The following PLAAT4 variants were observed in gnomAD, a reference collection of about 807,000 sequenced individuals.
PLAAT4 encodes the protein phospholipase A and acyltransferase 4, also known as HRAS-like suppressor 4.
A neutral mutation model predicts 14.1 loss-of-function variants in PLAAT4; 12 were observed. That is an observed-to-expected ratio of 0.85 (90% CI 0.54 to 1.37). PLAAT4 has a LOEUF of 1.37. Ranked by LOEUF, PLAAT4 falls within the 40% of genes most tolerant of loss-of-function variation. PLAAT4 has a pLI of 0.00. For synonymous variants in PLAAT4, 77 were observed against 79.8 expected (o/e 0.96, Z 0.19); for missense variants, 163 against 211.7 (o/e 0.77, Z 1.43).
At chr11:63,545,325 T>G (rs2017355659) in intron 3 of PLAAT4, 1 of 305,156 alleles carries the variant, frequency 3.3e-6, no homozygotes, top group Admixed American at 4.4e-5. Flanking sequence ...ACAGCCTCCA[T>G]CCCTTGCCCC....
At chr11:63,545,428 T>C (rs533118550) in intron 3 of PLAAT4, 8 of 181,472 alleles carry the variant, frequency 4.4e-5, no homozygotes, top group African/African-American at 1.9e-4. Flanking sequence ...CTAGAGTCTC[T>C]GCCTGTGATG....
chr11:63,541,953 G>A (rs977317993), intron 2 of PLAAT4, among the ~76,000 whole-genome samples: 5 of 152,020 alleles, frequency 3.3e-5, no homozygotes, highest in Non-Finnish European at 5.9e-5. Context: ...CAACTCATAC[G>A]ATCTAGGTGA....
Position 63,544,971 on chromosome 11 carries a change from T to A in PLAAT4, c.387+82T>A, listed in dbSNP as rs139273188. 194 of 1,588,432 alleles carry A rather than the reference T, an allele frequency of 1.2e-4. 2 individuals are homozygous for A. The East Asian group carries it at 3.8e-3, about 31-fold the overall frequency. On this transcript the variant is annotated intron_variant, in intron 3 of 3. Coordinates refer to ENST00000255688, the MANE Select transcript of PLAAT4 (RefSeq NM_004585.5). ...TGTGCAGCCAGGCGATCACTGTGAA[T>A]GATGCAAATGCAGCCTCTTAGAGAC... is the stretch of plus-strand genomic sequence containing the variant.
chr11:63,541,243 G>A (rs1455644363), intron 2 of PLAAT4, among the ~76,000 whole-genome samples: 1 of 150,834 alleles, frequency 6.6e-6, no homozygotes, highest in Non-Finnish European at 1.5e-5. Context: ...CCGGGATGGA[G>A]TACAGTGGTG....
intron 1 of PLAAT4, chr11:63,538,545 G>C: frequency 4.5e-6 from 1 of 224,452 alleles, no homozygotes. Flanking sequence ...TCTATGATGG[G>C]ACATCCTGGG....
chr11:63,545,474 T>C (rs2017357220), intron 3 of PLAAT4: 1 of 168,526 alleles, frequency 5.9e-6, no homozygotes, highest in Admixed American at 5.5e-5. Flanking sequence ...GACTGAATGG[T>C]TGGGGGCCCT....
At position 63,537,298 on chromosome 11, in the gene PLAAT4, G is replaced by A. The variant is rs1028698239; in HGVS notation, c.9+421G>A. Among the ~76,000 whole-genome samples, 10 of 152,144 alleles carry A rather than the reference G, an allele frequency of 6.6e-5. 1 individual carries two copies. Among genetic ancestry groups the A allele is most frequent in the Admixed American group, 6.5e-4 (10 of 15,276 alleles). The stretch of plus-strand genomic sequence containing the variant: ...CCCAAACGATGCTTTCTCTCTCCTC[G>A]TTCCTCTGTGGCATCATCCAGCCTT... On this transcript the variant is annotated intron_variant, in intron 1 of 3. Coordinates refer to ENST00000255688, the MANE Select transcript of PLAAT4 (RefSeq NM_004585.5).
intron 2 of PLAAT4, 113 bp from the exon 3 acceptor site, chr11:63,544,508 T>A: frequency 7.6e-7 from 1 of 1,308,028 alleles, no homozygotes; most frequent in Non-Finnish European, 1.0e-6. Context: ...AATCTGTGAA[T>A]CCTTCAATCA....
In PLAAT4 at chr11:63,544,748, T is replaced by G. The variant is rs1285482234; in HGVS notation, c.246T>G (p.His82Gln). 6.2e-7 allele frequency: 1 copy of G among 1,614,180 alleles called. No individual in the cohort carries two copies. The highest frequency in any genetic ancestry group is 1.7e-5 in the Admixed American group (1 of 60,032). ...CCYRVNNSLD[H>Q]EYQPRPVEVI... is the part of the protein sequence containing the mutation. Reference sequence around the variant, plus strand: ...ATCGGGTCAACAACAGCTTGGACCATGAGTACCAACCACGGCCCGTGGAGG... The same window carrying G: ...ATCGGGTCAACAACAGCTTGGACCAGGAGTACCAACCACGGCCCGTGGAGG... The change falls in exon 3 of 4, where the codon CAT becomes CAG. Residue 82 changes from histidine (H) to glutamine (Q), a missense_variant. Physicochemically the swap from His to Gln is conservative, Grantham distance 24. Coordinates refer to ENST00000255688, the MANE Select transcript of PLAAT4 (RefSeq NM_004585.5).
At chr11:63,539,448 TC>T in intron 1 of PLAAT4, 67 bp from the exon 2 acceptor site, 2 of 1,298,398 alleles carry the variant, frequency 1.5e-6, no homozygotes, top group South Asian at 1.2e-5. Flanking sequence ...GAGCTGCAGC[TC>T]CCCCAGCCAG....
chr11:63,542,697 G>A (rs2017331141), intron 2 of PLAAT4, among the ~76,000 whole-genome samples: 1 of 152,176 alleles, frequency 6.6e-6, no homozygotes, highest in Non-Finnish European at 1.5e-5. Flanking sequence ...TAATATTCAA[G>A]TGTGCTGCTT....
chr11:63,544,482 TA>T (rs557490744), intron 2 of PLAAT4, 138 bp from the exon 3 acceptor site: 48,063 of 741,762 alleles, frequency 0.065, no homozygotes, highest in South Asian at 0.093. Flanking sequence ...TCCATCAAAA[TA>T]AAAAAAAAAA....
In PLAAT4 at chr11:63,544,601, G is replaced by A. The variant is rs2017347000; in HGVS notation, c.119-20G>A. On this transcript the variant is annotated intron_variant, in intron 2 of 3. Transcript: ENST00000255688. ...CCCTACTTCACCTTCCCCTGCCAGT[G>A]AGAGTGCCTCTGATTGCAGGTGAGT... The A allele has an allele frequency of 3.1e-6, 5 of 1,601,898 alleles. No homozygotes were observed. Among genetic ancestry groups the A allele is most frequent in the Non-Finnish European group, 4.3e-6 (5 of 1,170,622 alleles).
chr11:63,538,710 C>G (rs546486456), intron 1 of PLAAT4, among the ~76,000 whole-genome samples: 1 of 152,222 alleles, frequency 6.6e-6, no homozygotes, highest in East Asian at 1.9e-4. Context: ...AGACAGGAAC[C>G]AGGGTGAGGG....
chr11:63,545,024 G>A (rs951770035), intron 3 of PLAAT4, 135 bp downstream of exon 3: 9 of 1,242,500 alleles, frequency 7.2e-6, no homozygotes, highest in Admixed American at 1.7e-5. Flanking sequence ...GGACCTCTGA[G>A]CTCCAATGCC....
chr11:63,538,133 C>T (rs947898764), intron 1 of PLAAT4, among the ~76,000 whole-genome samples: 3 of 152,030 alleles, frequency 2.0e-5, no homozygotes, highest in Non-Finnish European at 4.4e-5. Flanking sequence ...AGACCAGAGC[C>T]AGGGCAGTAG....
At chr11:63,540,950 C>T (rs2017316695) in intron 2 of PLAAT4, among the ~76,000 whole-genome samples, 1 of 152,204 alleles carries the variant, frequency 6.6e-6, no homozygotes, top group Admixed American at 6.5e-5. Context: ...GTTCTCTTTT[C>T]ACCAAGCATT....
intron 1 of PLAAT4, chr11:63,538,464 AG>A (rs766929752): frequency 1.7e-4 from 55 of 321,392 alleles, no homozygotes; most frequent in African/African-American, 1.1e-3. Context: ...AAGCTTCCGG[AG>A]TCCACATTGA....
Position 63,546,319 on chromosome 11 carries a change from C to T in PLAAT4, c.*63C>T. 1.4e-6 allele frequency: 2 copies of T among 1,467,636 alleles called. No individual in the cohort carries two copies. The highest frequency in any genetic ancestry group is 1.4e-5 in the African/African-American group (1 of 71,846). The allele number at this position is 1,467,636 out of a possible 1,614,324, so 90.9% of individuals were successfully genotyped here. A position where few individuals can be genotyped will look rare whatever the true frequency, so the allele number is the denominator to read the frequency against. On this transcript the variant is annotated 3_prime_UTR_variant, in exon 4 of 4. Transcript: ENST00000255688. Reference sequence around the variant, plus strand: ...GGTCCCAGTGGAGATGAGCCTCCCCCATGCCTCCAGCAGCCTGACCCTCGT... The same window carrying T: ...GGTCCCAGTGGAGATGAGCCTCCCCTATGCCTCCAGCAGCCTGACCCTCGT...
Sources: allele counts gnomAD v4.1 joint callset (sites outside exome capture counted in the v4.1 genomes callset), GRCh38; gene constraint gnomAD v4.1.1; transcripts MANE v1.5; gene names NCBI Gene and HGNC (gene_info 2026-07-23, HGNC 2026-07-21).